Variants in LSAMP observed in about 807,000 individuals in gnomAD.
The protein encoded by LSAMP is limbic system associated membrane protein.
Under a neutral mutation model 38.6 loss-of-function variants are expected in LSAMP, and 7 were observed. The observed-to-expected ratio is 0.18, with a 90% CI of 0.10 to 0.34. The LOEUF (loss-of-function observed/expected upper bound fraction) is 0.34, where lower values mean the gene tolerates loss of function less well. Ranked by LOEUF, LSAMP falls within the 10% of genes least tolerant of loss-of-function variation. The pLI is 1.00. For missense variants in LSAMP, 313 were observed against 420.0 expected (o/e 0.75, Z 2.23); for synonymous variants, 154 against 166.8 (o/e 0.92, Z 0.59).
intron 1 of LSAMP, among the ~76,000 whole-genome samples, chr3:116,249,489 G>A (rs1238478574): frequency 4.0e-5 from 6 of 151,822 alleles, no homozygotes; most frequent in East Asian, 2.0e-4. Context: ...AACTTTGAGC[G>A]ATTCTCCTGC....
chr3:116,028,213 A>G (rs2107699626), intron 2 of LSAMP, among the ~76,000 whole-genome samples: 1 of 152,314 alleles, frequency 6.6e-6, no homozygotes, highest in Admixed American at 6.5e-5. Flanking sequence ...TACACAATGC[A>G]ACACATAAAT....
intron 3 of LSAMP, among the ~76,000 whole-genome samples, chr3:115,853,668 A>C (rs1935404940): frequency 6.6e-6 from 1 of 152,170 alleles, no homozygotes; most frequent in Non-Finnish European, 1.5e-5. Flanking sequence ...AGAGAAGAGG[A>C]AATGAGATTG....
chr3:116,296,839 T>G (rs1424237581), intron 1 of LSAMP, among the ~76,000 whole-genome samples: 1 of 151,834 alleles, frequency 6.6e-6, no homozygotes, highest in Non-Finnish European at 1.5e-5. Flanking sequence ...CCTTGGAATC[T>G]GCAACCATGA....
chr3:115,956,997 C>T (rs1938474583), intron 3 of LSAMP, among the ~76,000 whole-genome samples: 1 of 152,102 alleles, frequency 6.6e-6, no homozygotes, highest in Admixed American at 6.5e-5. Flanking sequence ...TTAGTAAACC[C>T]CAACAATGAT....
chr3:115,925,217 CAT>C (rs1412546586), intron 3 of LSAMP, among the ~76,000 whole-genome samples: 2 of 152,122 alleles, frequency 1.3e-5, no homozygotes, highest in African/African-American at 2.4e-5. Flanking sequence ...GGTGTCCACA[CAT>C]GTGTTCACAA....
At chr3:116,226,908 T>C (rs2046348429) in intron 1 of LSAMP, among the ~76,000 whole-genome samples, 1 of 152,298 alleles carries the variant, frequency 6.6e-6, no homozygotes, top group African/African-American at 2.4e-5. Flanking sequence ...CCCTTCCTTC[T>C]CCCTCCACTT....
intron 3 of LSAMP, among the ~76,000 whole-genome samples, chr3:116,012,861 A>G (rs1287061489): frequency 6.6e-6 from 1 of 152,180 alleles, no homozygotes; most frequent in Admixed American, 6.6e-5. Flanking sequence ...TTGCCTACGT[A>G]TTATTTTAAT....
At chr3:116,001,974 C>T (rs1313654381) in intron 3 of LSAMP, among the ~76,000 whole-genome samples, 2 of 152,162 alleles carry the variant, frequency 1.3e-5, no homozygotes, top group African/African-American at 4.8e-5. Flanking sequence ...GTCTATCACC[C>T]TCCTCTTAAC....
chr3:116,280,796 C>T (rs1467019899), intron 1 of LSAMP, among the ~76,000 whole-genome samples: 2 of 152,118 alleles, frequency 1.3e-5, no homozygotes, highest in Non-Finnish European at 2.9e-5. Flanking sequence ...TGAAAGTGGC[C>T]ATTCGGCACA....
intron 1 of LSAMP, among the ~76,000 whole-genome samples, chr3:116,397,300 G>C (rs764323214): frequency 6.6e-6 from 1 of 151,868 alleles, no homozygotes; most frequent in African/African-American, 2.4e-5. Context: ...GAATTCTCTA[G>C]GTAAGTTCCT....
At chr3:115,917,460 C>G (rs879893550) in intron 3 of LSAMP, among the ~76,000 whole-genome samples, 2 of 152,150 alleles carry the variant, frequency 1.3e-5, no homozygotes, top group Admixed American at 1.3e-4. Context: ...CATTACCACC[C>G]CTGATTCCTT....
intron 1 of LSAMP, among the ~76,000 whole-genome samples, chr3:116,272,906 C>T (rs868667351): frequency 2.6e-5 from 4 of 152,130 alleles, no homozygotes; most frequent in Middle Eastern, 3.4e-3. Context: ...TTTTATGAAA[C>T]GAGCATTTTG....
chr3:116,073,304 T>C (rs1707657701), intron 2 of LSAMP, among the ~76,000 whole-genome samples: 1 of 152,204 alleles, frequency 6.6e-6, no homozygotes, highest in Non-Finnish European at 1.5e-5. Flanking sequence ...TTGTTGTTAC[T>C]GTGGCTTTGT....
intron 5 of LSAMP, 21 bp from the exon 6 acceptor site, chr3:115,842,014 G>C (rs1559846170): frequency 4.4e-6 from 7 of 1,596,390 alleles, no homozygotes; most frequent in African/African-American, 1.3e-5. Context: ...AAAAACAGAA[G>C]AATAGAAAGG....
At chr3:116,111,428 T>C (rs982008831) in intron 1 of LSAMP, among the ~76,000 whole-genome samples, 5 of 152,240 alleles carry the variant, frequency 3.3e-5, no homozygotes, top group Non-Finnish European at 7.3e-5. Flanking sequence ...AAATTTTCAC[T>C]GAGACATGAG....
intron 1 of LSAMP, among the ~76,000 whole-genome samples, chr3:116,106,935 A>G (rs575178652): frequency 4.6e-5 from 7 of 152,294 alleles, no homozygotes; most frequent in African/African-American, 1.4e-4. Context: ...GAACACTGAG[A>G]AGTTATTTCC....
intron 1 of LSAMP, among the ~76,000 whole-genome samples, chr3:116,348,013 T>A (rs768103849): frequency 1.3e-5 from 2 of 151,826 alleles, no homozygotes; most frequent in Non-Finnish European, 2.9e-5. Flanking sequence ...AGAGTGACTA[T>A]ACATCTCTGC....
intron 1 of LSAMP, among the ~76,000 whole-genome samples, chr3:116,175,225 C>G (rs1323098476): frequency 6.6e-6 from 1 of 151,920 alleles, no homozygotes. Context: ...TGCTTGCTTT[C>G]TTCTTTTTCT....
At chr3:116,428,497 A>C (rs2049234713) in intron 1 of LSAMP, among the ~76,000 whole-genome samples, 1 of 152,196 alleles carries the variant, frequency 6.6e-6, no homozygotes, top group Non-Finnish European at 1.5e-5. Context: ...TCCACTTTTT[A>C]AAAAACCTAC....
Sources: gnomAD v4.1 joint callset for allele counts (sites outside exome capture counted in the v4.1 genomes callset) on GRCh38, gnomAD v4.1.1 for gene constraint, MANE v1.5 for transcripts, NCBI Gene and HGNC (gene_info 2026-07-23, HGNC 2026-07-21) for gene names.